Variants in MGMT observed in about 807,000 individuals in gnomAD.
MGMT encodes O-6-methylguanine-DNA methyltransferase, also known as methylated-DNA--protein-cysteine methyltransferase.
A neutral mutation model predicts 15.9 loss-of-function variants in MGMT; 14 were observed. The observed-to-expected ratio is 0.88, with a 90% CI of 0.58 to 1.37. MGMT has a LOEUF of 1.37. Ranked by LOEUF, MGMT falls within the 40% of genes most tolerant of loss-of-function variation. The pLI, the probability that MGMT is intolerant of heterozygous loss-of-function variation, is 0.00. For missense variants in MGMT, 282 were observed against 268.1 expected, an observed-to-expected ratio of 1.05 and a Z score of -0.36; for synonymous variants, 130 against 118.2, an observed-to-expected ratio of 1.10 and a Z score of -0.65.
intron 2 of MGMT, among the ~76,000 whole-genome samples, chr10:129,560,794 G>A (rs1393740441): frequency 6.6e-6 from 1 of 152,096 alleles, no homozygotes; most frequent in Non-Finnish European, 1.5e-5. Flanking sequence ...GCACAATATT[G>A]TCGGGTGAAA....
At chr10:129,487,777 A>C (rs1339104864) in intron 1 of MGMT, among the ~76,000 whole-genome samples, 1 of 151,644 alleles carries the variant, frequency 6.6e-6, no homozygotes, top group Admixed American at 6.6e-5. Context: ...TTTTCTTTAT[A>C]CACTGCTAAC....
At chr10:129,477,201 C>T (rs1347987917) in intron 1 of MGMT, among the ~76,000 whole-genome samples, 1 of 152,318 alleles carries the variant, frequency 6.6e-6, no homozygotes, top group African/African-American at 2.4e-5. Context: ...TCTCAATCTT[C>T]CCCACTCTCA....
intron 1 of MGMT, among the ~76,000 whole-genome samples, chr10:129,531,650 G>C (rs537353931): frequency 6.6e-6 from 1 of 152,192 alleles, no homozygotes; most frequent in African/African-American, 2.4e-5. Context: ...TTCTACTGCT[G>C]CCCACAGAAG....
intron 2 of MGMT, 138 bp downstream of exon 2, chr10:129,536,515 C>G: frequency 1.8e-6 from 2 of 1,101,200 alleles, no homozygotes; most frequent in Non-Finnish European, 2.5e-6. Flanking sequence ...GAGTCCGTCT[C>G]TCAAAACAGT....
chr10:129,664,422 A>T (rs1847634584), intron 2 of MGMT, among the ~76,000 whole-genome samples: 1 of 152,224 alleles, frequency 6.6e-6, no homozygotes, highest in African/African-American at 2.4e-5. Flanking sequence ...TACATGGAGT[A>T]GGCATCAAGG....
intron 2 of MGMT, among the ~76,000 whole-genome samples, chr10:129,579,846 T>C (rs1211445634): frequency 6.6e-6 from 1 of 152,194 alleles, no homozygotes; most frequent in East Asian, 1.9e-4. Flanking sequence ...GTTTTTGTTT[T>C]CTTTAGTGTG....
chr10:129,504,932 T>G (rs1845609689), intron 1 of MGMT, among the ~76,000 whole-genome samples: 1 of 107,840 alleles, frequency 9.3e-6, no homozygotes, highest in African/African-American at 6.3e-5. Flanking sequence ...GTGGTAGGGT[T>G]TTTTTTTCTG....
intron 2 of MGMT, among the ~76,000 whole-genome samples, chr10:129,573,712 T>G (rs555034118): frequency 6.6e-6 from 1 of 152,352 alleles, no homozygotes; most frequent in East Asian, 1.9e-4. Context: ...GACTTTGTGT[T>G]TACACACATT....
rs79242360 is a variant in MGMT at position 129,647,172 on chromosome 10, C to T, written c.126-60723C>T. ...GTGACGGCTCTAATAGGCACTTCAC[C>T]TGCTCTGCGGAGGCGCCTGCGGAAT... On this transcript the variant is annotated intron_variant, in intron 2 of 4. Coordinates refer to ENST00000651593, the MANE Select transcript of MGMT (RefSeq NM_002412.5). Among the ~76,000 whole-genome samples the T allele has an allele frequency of 5.0e-3, 760 of 152,268 alleles. 9 individuals are homozygous for T. The highest frequency in any genetic ancestry group is 0.018 in the African/African-American group (739 of 41,542).
At chr10:129,501,297 G>A (rs768001777) in intron 1 of MGMT, among the ~76,000 whole-genome samples, 1 of 152,158 alleles carries the variant, frequency 6.6e-6, no homozygotes, top group African/African-American at 2.4e-5. Context: ...CGGGGGTGGG[G>A]GAGGATGCCT....
At chr10:129,547,569 G>A (rs1039278524) in intron 2 of MGMT, among the ~76,000 whole-genome samples, 2 of 152,166 alleles carry the variant, frequency 1.3e-5, no homozygotes, top group Non-Finnish European at 2.9e-5. Flanking sequence ...AGTGTGTGCT[G>A]GGGGCTGGGT....
At chr10:129,624,735 G>T (rs1324260245) in intron 2 of MGMT, among the ~76,000 whole-genome samples, 1 of 152,240 alleles carries the variant, frequency 6.6e-6, no homozygotes, top group Non-Finnish European at 1.5e-5. Flanking sequence ...AGTGGACCCA[G>T]TGGAGACTCA....
At chr10:129,539,836 G>T (rs939951996) in intron 2 of MGMT, among the ~76,000 whole-genome samples, 1 of 152,176 alleles carries the variant, frequency 6.6e-6, no homozygotes, top group Non-Finnish European at 1.5e-5. Flanking sequence ...GGTAATGTGA[G>T]TCCATGAATC....
chr10:129,551,022 C>G (rs1846151083), intron 2 of MGMT, among the ~76,000 whole-genome samples: 1 of 152,162 alleles, frequency 6.6e-6, no homozygotes, highest in African/African-American at 2.4e-5. Flanking sequence ...TCGGGTAGGG[C>G]CCTGGGTCTA....
At chr10:129,493,408 C>T (rs537892075) in intron 1 of MGMT, among the ~76,000 whole-genome samples, 25 of 152,252 alleles carry the variant, frequency 1.6e-4, no homozygotes, top group Admixed American at 5.2e-4. Context: ...CCAAGTGCCC[C>T]GATTCTCTTT....
At chr10:129,639,964 A>C (rs531321951) in intron 2 of MGMT, among the ~76,000 whole-genome samples, 109 of 149,344 alleles carry the variant, frequency 7.3e-4, no homozygotes, top group African/African-American at 2.5e-3. Context: ...AAAAAAAAAG[A>C]GAGTGAAGTC....
chr10:129,703,771 G>A (rs1848126409), intron 2 of MGMT, among the ~76,000 whole-genome samples: 1 of 152,204 alleles, frequency 6.6e-6, no homozygotes, highest in African/African-American at 2.4e-5. Flanking sequence ...CAGGAGACAA[G>A]ACCCTCACCC....
intron 1 of MGMT, among the ~76,000 whole-genome samples, chr10:129,474,699 G>A (rs1845270332): frequency 6.6e-6 from 1 of 152,198 alleles, no homozygotes; most frequent in Admixed American, 6.5e-5. Context: ...AGGAGTCACG[G>A]AATTTTAAAA....
intron 3 of MGMT, among the ~76,000 whole-genome samples, chr10:129,730,230 G>A (rs1272450041): frequency 1.3e-5 from 2 of 152,146 alleles, no homozygotes; most frequent in East Asian, 1.9e-4. Context: ...ATGAAATGGC[G>A]TGGAGCTGAA....
Sources: allele counts gnomAD v4.1 joint callset (sites outside exome capture counted in the v4.1 genomes callset), GRCh38; gene constraint gnomAD v4.1.1; transcripts MANE v1.5; gene names NCBI Gene and HGNC (gene_info 2026-07-23, HGNC 2026-07-21).